The following RAI14 variants were observed in gnomAD, a reference collection of about 807,000 sequenced individuals.
The protein encoded by RAI14 is retinoic acid induced 14, also known as ankycorbin.
Under a neutral mutation model 115.4 loss-of-function variants are expected in RAI14, and 45 were observed. The observed-to-expected ratio is 0.39, with a 90% CI of 0.31 to 0.50. The LOEUF is 0.50. RAI14 is among the 20% of genes least tolerant of loss of function. The pLI is 0.85. For synonymous variants in RAI14, 371 were observed against 415.4 expected, an observed-to-expected ratio of 0.89 and a Z score of 1.30; for missense variants, 939 against 1,131.2, an observed-to-expected ratio of 0.83 and a Z score of 2.44.
rs1554037174 is a variant in RAI14, at chr5:34,662,745, T to TA, written c.-49+6271dup. Among the ~76,000 whole-genome samples the TA allele has an allele frequency of 4.6e-4, 66 of 144,118 alleles. 2 individuals are homozygous for TA. The highest frequency in any genetic ancestry group is 3.4e-3 in the Middle Eastern group (1 of 290). 94.5% of individuals were successfully genotyped at this position (144,118 alleles called of 152,430 possible). On this transcript the variant is annotated intron_variant, in intron 1 of 17. Coordinates refer to ENST00000265109, the MANE Select transcript of RAI14 (RefSeq NM_015577.3). ...GATTTTTTTTTTTTTTTTTTTTTTT[T>TA]AGACACAGAGTCTCACTCTGTTGCC...
At chr5:34,830,657 C>A in intron 17 of RAI14, 31 bp from the exon 18 acceptor site, 2 of 1,613,688 alleles carry the variant, frequency 1.2e-6, no homozygotes, top group South Asian at 1.1e-5. Flanking sequence ...AATTTAGGTT[C>A]TAATGAGTAT....
At chr5:34,667,710 G>C (rs1477696336) in intron 1 of RAI14, among the ~76,000 whole-genome samples, 3 of 152,098 alleles carry the variant, frequency 2.0e-5, no homozygotes, top group Non-Finnish European at 2.9e-5. Flanking sequence ...GTATAGACTT[G>C]GACAATTCAC....
chr5:34,708,021 A>T (rs1259978264), intron 2 of RAI14, among the ~76,000 whole-genome samples: 1 of 152,196 alleles, frequency 6.6e-6, no homozygotes, highest in Non-Finnish European at 1.5e-5. Context: ...TTATGTGTCT[A>T]CTGTATTTAT....
chr5:34,802,935 G>A (rs957562175), intron 4 of RAI14, among the ~76,000 whole-genome samples: 1 of 152,196 alleles, frequency 6.6e-6, no homozygotes, highest in Non-Finnish European at 1.5e-5. Context: ...TACATTGAGA[G>A]GAGAGGGAAA....
At chr5:34,733,507 A>C (rs550597473) in intron 2 of RAI14, among the ~76,000 whole-genome samples, 1 of 152,304 alleles carries the variant, frequency 6.6e-6, no homozygotes, top group South Asian at 2.1e-4. Context: ...CTGTCCCATC[A>C]CAATGTTCAA....
At chr5:34,693,326 A>C (rs1009322556) in intron 2 of RAI14, among the ~76,000 whole-genome samples, 2 of 152,168 alleles carry the variant, frequency 1.3e-5, no homozygotes, top group African/African-American at 4.8e-5. Flanking sequence ...ACTGTCATAG[A>C]CCTTAGCTCC....
At chr5:34,757,151 T>A in intron 2 of RAI14, among the ~76,000 whole-genome samples, 1 of 152,178 alleles carries the variant, frequency 6.6e-6, no homozygotes, top group East Asian at 1.9e-4. Context: ...CAGCGAGAAA[T>A]TAGCTAATGT....
chr5:34,778,745 T>C (rs926908403), intron 3 of RAI14, among the ~76,000 whole-genome samples: 1 of 143,924 alleles, frequency 6.9e-6, no homozygotes, highest in African/African-American at 2.5e-5. Context: ...CTGTGATTTT[T>C]TTTTTTTTAA....
intron 2 of RAI14, among the ~76,000 whole-genome samples, chr5:34,733,947 T>C (rs376266106): frequency 9.2e-5 from 14 of 152,304 alleles, no homozygotes; most frequent in African/African-American, 3.4e-4. Flanking sequence ...ACAGGCAAGA[T>C]AGCACAAGTC....
At chr5:34,738,397 G>A (rs1745120796) in intron 2 of RAI14, among the ~76,000 whole-genome samples, 1 of 152,206 alleles carries the variant, frequency 6.6e-6, no homozygotes, top group Admixed American at 6.5e-5. Context: ...CAAGGAATAT[G>A]TGCATTGGAG....
chr5:34,757,314 G>GGTGAA, intron 2 of RAI14, 154 bp from the exon 3 acceptor site: 2 of 850,016 alleles, frequency 2.4e-6, no homozygotes, highest in Non-Finnish European at 3.9e-6. Context: ...GTGTCTCCAT[G>GGTGAA]GTGAAGGGGA....
At chr5:34,775,738 A>C (rs1006807360) in intron 3 of RAI14, among the ~76,000 whole-genome samples, 1 of 152,232 alleles carries the variant, frequency 6.6e-6, no homozygotes, top group Admixed American at 6.5e-5. Flanking sequence ...ACCCCAGTTA[A>C]AATGGCTGAC....
At chr5:34,683,565 A>G (rs1335286612) in intron 1 of RAI14, among the ~76,000 whole-genome samples, 3 of 152,126 alleles carry the variant, frequency 2.0e-5, no homozygotes, top group Admixed American at 6.5e-5. Context: ...TATGTGAACG[A>G]AGGAATGCTT....
intron 2 of RAI14, among the ~76,000 whole-genome samples, chr5:34,698,054 CCCCTCCCCTTTCT>C (rs1739486175): frequency 8.7e-6 from 1 of 115,134 alleles, no homozygotes; most frequent in Non-Finnish European, 1.8e-5. Flanking sequence ...CCCTTCCCCA[CCCCTCCCCTTTCT>C]CCCTCCCTTT....
chr5:34,811,142 C>T (rs1021263526), intron 8 of RAI14, 24 bp downstream of exon 8: 1 of 1,607,748 alleles, frequency 6.2e-7, no homozygotes, highest in Non-Finnish European at 8.5e-7. Flanking sequence ...AGGCAGAAAT[C>T]ATGTGACTTC....
chr5:34,829,255 T>G (rs113622356), intron 16 of RAI14, among the ~76,000 whole-genome samples: 2,349 of 152,182 alleles, frequency 0.015, 28 homozygotes, highest in Non-Finnish European at 0.026. Flanking sequence ...TGGCGTGATC[T>G]CGGCTCACTA....
chr5:34,803,589 C>T (rs1221446941), intron 4 of RAI14, 123 bp from the exon 5 acceptor site: 1 of 806,056 alleles, frequency 1.2e-6, no homozygotes, highest in African/African-American at 1.8e-5. Flanking sequence ...CAAAAAAACA[C>T]AGTTCCGTCT....
At chr5:34,676,776 C>T (rs539273831) in intron 1 of RAI14, among the ~76,000 whole-genome samples, 52 of 152,124 alleles carry the variant, frequency 3.4e-4, no homozygotes, top group Non-Finnish European at 7.1e-4. Context: ...GATGAATGGT[C>T]TCAAAAGAGT....
chr5:34,774,045 A>G (rs1333489110), intron 3 of RAI14, among the ~76,000 whole-genome samples: 1 of 152,188 alleles, frequency 6.6e-6, no homozygotes, highest in Non-Finnish European at 1.5e-5. Flanking sequence ...AGACTCCACC[A>G]CAAAACTATT....
Sources: allele counts gnomAD v4.1 joint callset (sites outside exome capture counted in the v4.1 genomes callset), GRCh38; gene constraint gnomAD v4.1.1; transcripts MANE v1.5; gene names NCBI Gene and HGNC (gene_info 2026-07-23, HGNC 2026-07-21).